Variants in PRKDC observed in about 807,000 individuals in gnomAD.
PRKDC encodes DNA-dependent protein kinase catalytic subunit.
In PRKDC, 82 loss-of-function variants were observed where a neutral mutation model predicts 486.9. The ratio of observed to expected loss-of-function variants is 0.17; its 90% CI spans 0.14 to 0.20. The LOEUF is 0.20. Among genes scored for constraint, PRKDC ranks in the 10% least tolerant of loss-of-function variants. The probability of loss-of-function intolerance (pLI) is 1.00; values close to 1 mark genes in which losing one functional copy is unlikely to be tolerated. For missense variants in PRKDC, 4,504 were observed against 5,038.2 expected (o/e 0.89, Z 3.21); for synonymous variants, 1,895 against 1,837.0 (o/e 1.03, Z -0.81).
Position 47,828,317 on chromosome 8 carries a change from T to C in PRKDC, c.8428A>G (p.Ser2810Gly), listed in dbSNP as rs1305472402. 6.3e-7 allele frequency: 1 copy of C among 1,593,894 alleles called. No homozygotes were observed. Among genetic ancestry groups the C allele is most frequent in the African/African-American group, 1.3e-5 (1 of 74,118 alleles). ...TTCAAAATTCCAGAAAACAAGCTGC[T>C]AAAGAGCTGTTTTGCAATTATTGGG... ...RDPIIAKQLF[S>G]SLFSGILKEM... is the part of the protein sequence containing the mutation. Residue 2810 changes from serine (S) to glycine (G), a missense_variant, in exon 62 of 86, where the codon AGC becomes GGC. Physicochemically the swap from Ser to Gly is moderately conservative, Grantham distance 56. Transcript: ENST00000314191.
At chr8:47,828,126 C>T (rs904725489) in intron 62 of PRKDC, 42 bp downstream of exon 62, 12 of 1,571,204 alleles carry the variant, frequency 7.6e-6, no homozygotes, top group Admixed American at 5.3e-5. Context: ...TGTGAAGCCA[C>T]AGCAAACAAT....
rs576578016 is a variant in PRKDC, at chr8:47,800,896, G to A, written c.10013C>T (p.Ala3338Val). The A allele has an allele frequency of 7.7e-5, 125 of 1,613,618 alleles. No individual in the cohort carries two copies. Among genetic ancestry groups the A allele is most frequent in the Non-Finnish European group, 9.6e-5 (113 of 1,179,826 alleles). ...GGCTGGCTCACTGCTGAGAGCATTC[G>A]CTATGATCCTGTAAGTTGTACCCAA... ...ILLGTTYRII[A>V]NALSSEPACL... The change falls in exon 71 of 86, where the codon GCG becomes GTG. Residue 3338 changes from alanine (A) to valine (V), a missense_variant. By Grantham distance (64) the Ala-to-Val change is moderately conservative. Around this residue, in one of 6 missense-constraint regions of PRKDC, gnomAD observed 1,592 missense variants for 1,724.6 expected, o/e 0.92. Coordinates refer to ENST00000314191, the MANE Select transcript of PRKDC (RefSeq NM_006904.7).
rs2089947470 is a variant in PRKDC, at chr8:47,913,925, G to C, written c.2757C>G (p.Leu919=). The C allele has an allele frequency of 6.2e-7, 1 of 1,608,902 alleles. No individual in the cohort carries two copies. Among genetic ancestry groups the C allele is most frequent in the African/African-American group, 1.3e-5 (1 of 74,646 alleles). ...VFLPRVTELA[L]TASDRQTKVA... ...CTTTAGTTTGTCTGTCACTGGCTGT[G>C]AGCGCTAATTCTGTGACTCGAGGCA... The change falls in exon 24 of 86, where the codon CTC becomes CTG. Residue 919 remains leucine (L), a synonymous_variant. Coordinates refer to ENST00000314191, the MANE Select transcript of PRKDC (RefSeq NM_006904.7).
chr8:47,929,918 T>C lies in PRKDC; in HGVS notation c.1987A>G (p.Ile663Val). ...LILQSTRLPL[I>V]SGFYKLLSIT... ...GAAAGCAATTTGTAGAAACCACTGA[T>C]GAGGGGCAACCTTGTAGATTGCAAA... Residue 663 changes from isoleucine (I) to valine (V), a missense_variant, in exon 18 of 86, where the codon ATC (isoleucine) becomes GTC (valine). Transcript: ENST00000314191. 1 of 1,608,914 alleles carries C rather than the reference T, an allele frequency of 6.2e-7. No individual in the cohort carries two copies. Among genetic ancestry groups the C allele is most frequent in the Non-Finnish European group, 8.5e-7 (1 of 1,178,490 alleles).
chr8:47,838,878 T>C (rs1456565901), intron 56 of PRKDC, among the ~76,000 whole-genome samples: 4 of 152,244 alleles, frequency 2.6e-5, no homozygotes, highest in Middle Eastern at 3.2e-3. Context: ...TTTCTTTTCA[T>C]TTTGAAACAC....
rs2090713226 is a variant in PRKDC at position 47,956,977 on chromosome 8, C to CAAAA, written c.324+193_324+194insTTTT. ...GGGCAACAAGAGCAAAACTCCTTCTCCAAAAAAAAAAAAAAAAAAAAAAAC... is the reference window on the plus strand; with the variant it reads ...GGGCAACAAGAGCAAAACTCCTTCTCAAAACAAAAAAAAAAAAAAAAAAAAAAAC... On this transcript the variant is annotated intron_variant, in intron 3 of 85. Coordinates refer to ENST00000314191, the MANE Select transcript of PRKDC (RefSeq NM_006904.7). Among the ~76,000 whole-genome samples, 24 of 11,294 alleles carry CAAAA rather than the reference C, an allele frequency of 2.1e-3. 1 individual carries two copies. Among genetic ancestry groups the CAAAA allele is most frequent in the East Asian group, 5.1e-3 (1 of 196 alleles). The allele number at this position is 11,294 out of a possible 152,430, so 7.4% of individuals were successfully genotyped here.
At chr8:47,858,189 C>T (rs962519382) in intron 48 of PRKDC, among the ~76,000 whole-genome samples, 7 of 151,830 alleles carry the variant, frequency 4.6e-5, no homozygotes, top group Admixed American at 2.6e-4. Flanking sequence ...CCCCGCTCCA[C>T]CCCCCGCTTT....
chr8:47,934,187 C>T, intron 14 of PRKDC, 97 bp from the exon 15 acceptor site: 1 of 1,381,970 alleles, frequency 7.2e-7, no homozygotes. Context: ...CTAAATTAAA[C>T]TGCCACCCAT....
Position 47,930,693 on chromosome 8 carries a change from A to C in PRKDC, c.1871T>G (p.Ile624Ser). ...PAKPKDFSAFINLVEFCREIL... is the reference protein window; with the variant it reads ...PAKPKDFSAFSNLVEFCREIL... Reference sequence around the variant, plus strand: ...ATACCTGCAAAATTCCACCAGGTTAATGAAAGCCGAAAAATCTTTAGGTTT... The same window carrying C: ...ATACCTGCAAAATTCCACCAGGTTACTGAAAGCCGAAAAATCTTTAGGTTT... Residue 624 changes from isoleucine to serine, a missense_variant, in exon 17 of 86, where the codon ATT becomes AGT. This residue lies in a region of PRKDC where 1,969 missense variants were observed against 2,068.9 expected (regional missense o/e 0.95). Transcript: ENST00000314191. 6.3e-7 allele frequency: 1 copy of C among 1,576,518 alleles called. No individual in the cohort carries two copies. Among genetic ancestry groups the C allele is most frequent in the Non-Finnish European group, 8.6e-7 (1 of 1,160,500 alleles).
At chr8:47,816,373 A>G (rs2087446885) in intron 68 of PRKDC, among the ~76,000 whole-genome samples, 1 of 152,212 alleles carries the variant, frequency 6.6e-6, no homozygotes, top group African/African-American at 2.4e-5. Flanking sequence ...TGGCAGTATT[A>G]GGACACACAA....
chr8:47,936,259 A>G, intron 12 of PRKDC, 94 bp downstream of exon 12: 3 of 1,352,030 alleles, frequency 2.2e-6, no homozygotes, highest in Non-Finnish European at 3.0e-6. Flanking sequence ...TGTTCCCAAC[A>G]GTGCCTACAC....
At chr8:47,950,545 C>T (rs1014896844) in intron 7 of PRKDC, among the ~76,000 whole-genome samples, 2 of 148,342 alleles carry the variant, frequency 1.3e-5, no homozygotes, top group African/African-American at 2.5e-5. Flanking sequence ...GGGAGAATGG[C>T]GTGAACCCGG....
chr8:47,804,674 T>C (rs1056291193), intron 69 of PRKDC, among the ~76,000 whole-genome samples: 2 of 152,210 alleles, frequency 1.3e-5, no homozygotes, highest in Non-Finnish European at 1.5e-5. Flanking sequence ...AACATTTGTG[T>C]ATGAATTTCC....
At chr8:47,814,931 G>A (rs1318701098) in intron 68 of PRKDC, among the ~76,000 whole-genome samples, 2 of 152,176 alleles carry the variant, frequency 1.3e-5, no homozygotes, top group East Asian at 3.8e-4. Flanking sequence ...GGGAGGCTGA[G>A]GTGGGCGTGT....
In PRKDC at chr8:47,836,333, G is replaced by C; in HGVS notation, c.7951+5C>G. The C allele has an allele frequency of 6.4e-7, 1 of 1,562,918 alleles. No individual in the cohort carries two copies. Among genetic ancestry groups the C allele is most frequent in the Non-Finnish European group, 8.7e-7 (1 of 1,151,512 alleles). On this transcript the variant is annotated splice_donor_5th_base_variant and intron_variant, in intron 58 of 85. Coordinates refer to ENST00000314191, the MANE Select transcript of PRKDC (RefSeq NM_006904.7). Reference sequence around the variant, plus strand: ...TACATGGCCAGCGGGCAGGGTCACTGTTACCTGCAGTCTGTGTCAGTGTGA... The same window carrying C: ...TACATGGCCAGCGGGCAGGGTCACTCTTACCTGCAGTCTGTGTCAGTGTGA...
chr8:47,936,377 T>A lies in PRKDC; in HGVS notation c.1254A>T (p.Ala418=), dbSNP rs755749154. 6.2e-7 allele frequency: 1 copy of A among 1,613,386 alleles called. No homozygotes were observed. ...YQMPSFLQSV[A]SVLLYLDTVP... is the part of the protein sequence containing the mutation. ...CTGTGTCAAGGTACAGCAAGACGCT[T>A]GCAACAGACTGGAGGAAGCTTGGCA... Residue 418 remains alanine, a synonymous_variant, in exon 12 of 86, where the codon GCA becomes GCT. Coordinates refer to ENST00000314191, the MANE Select transcript of PRKDC (RefSeq NM_006904.7).
At chr8:47,916,147 C>G (rs2089978102) in intron 22 of PRKDC, among the ~76,000 whole-genome samples, 1 of 152,090 alleles carries the variant, frequency 6.6e-6, no homozygotes, top group African/African-American at 2.4e-5. Context: ...CACCACCAAT[C>G]TTATTAGAAA....
intron 50 of PRKDC, among the ~76,000 whole-genome samples, chr8:47,854,613 T>G (rs1172798717): frequency 6.6e-6 from 1 of 151,756 alleles, no homozygotes; most frequent in Non-Finnish European, 1.5e-5. Flanking sequence ...GAGCCGGGAT[T>G]AAGGCGTGAG....
intron 40 of PRKDC, among the ~76,000 whole-genome samples, chr8:47,874,949 C>G (rs1047361452): frequency 6.6e-6 from 1 of 151,820 alleles, no homozygotes; most frequent in East Asian, 1.9e-4. Context: ...CAGCTACTCA[C>G]GAGGCTGAAG....
Sources: gnomAD v4.1 joint callset for allele counts (sites outside exome capture counted in the v4.1 genomes callset) on GRCh38, gnomAD v4.1.1 for gene constraint, gnomAD v4.1.1 regional missense constraint, MANE v1.5 for transcripts, NCBI Gene and HGNC (gene_info 2026-07-23, HGNC 2026-07-21) for gene names.